Variants in CRPPA observed in about 807,000 individuals in gnomAD.
The protein encoded by CRPPA is CDP-L-ribitol pyrophosphorylase A, also known as D-ribitol-5-phosphate cytidylyltransferase.
A neutral mutation model predicts 52.0 loss-of-function variants in CRPPA; 43 were observed. The ratio of observed to expected loss-of-function variants is 0.83; its 90% CI spans 0.65 to 1.07. The LOEUF is 1.07. Among genes scored for constraint, CRPPA ranks in the 50% least tolerant of loss-of-function variants. CRPPA has a pLI of 0.00. For missense variants in CRPPA, 629 were observed against 551.7 expected, an observed-to-expected ratio of 1.14 and a Z score of -1.40; for synonymous variants, 250 against 203.5, an observed-to-expected ratio of 1.23 and a Z score of -1.94.
At chr7:16,190,464 A>T (rs1781585997) in intron 9 of CRPPA, among the ~76,000 whole-genome samples, 2 of 152,210 alleles carry the variant, frequency 1.3e-5, no homozygotes, top group African/African-American at 4.8e-5. Flanking sequence ...CGCATTCATC[A>T]ATAGATTTAT....
Position 16,377,875 on chromosome 7 carries a change from C to T in CRPPA, c.535-1634G>A, listed in dbSNP as rs142889570. 2.4e-3 allele frequency among the ~76,000 whole-genome samples: 368 copies of T among 152,214 alleles called. 2 individuals are homozygous for T. The highest frequency in any genetic ancestry group is 8.6e-3 in the African/African-American group (356 of 41,552). ...CAAGTGTGGACACGAGGTTGAGGCC[C>T]ACCTCTTTCACATAGTTCCCACCCA... is the stretch of plus-strand genomic sequence containing the variant. On this transcript the variant is annotated intron_variant, in intron 2 of 9. Coordinates refer to ENST00000407010, the MANE Select transcript of CRPPA (RefSeq NM_001101426.4).
chr7:16,213,411 A>C lies in CRPPA; in HGVS notation c.1251+2655T>G, dbSNP rs199933629. 0.029 allele frequency among the ~76,000 whole-genome samples: 1,836 copies of C among 64,322 alleles called. 107 individuals are homozygous for C. The East Asian group carries it at 0.36, about 13-fold the overall frequency. 42.2% of individuals were successfully genotyped at this position (64,322 alleles called of 152,430 possible). On this transcript the variant is annotated intron_variant, in intron 9 of 9. Transcript: ENST00000407010. Reference sequence around the variant, plus strand: ...GTTCCATATCCTGTTTTGGGGACTTATTTATAATAATTCTCAACAATCTTT... The same window carrying C: ...GTTCCATATCCTGTTTTGGGGACTTCTTTATAATAATTCTCAACAATCTTT...
intron 3 of CRPPA, among the ~76,000 whole-genome samples, chr7:16,375,184 G>C (rs1786850335): frequency 6.6e-6 from 1 of 152,124 alleles, no homozygotes; most frequent in African/African-American, 2.4e-5. Context: ...AGCTCAATCA[G>C]AAAGTACTTT....
intron 1 of CRPPA, among the ~76,000 whole-genome samples, chr7:16,415,999 T>C (rs1312011201): frequency 6.6e-6 from 1 of 152,234 alleles, no homozygotes; most frequent in Non-Finnish European, 1.5e-5. Context: ...TTTTCAATGG[T>C]AGTTTGAATT....
intron 5 of CRPPA, among the ~76,000 whole-genome samples, chr7:16,298,134 G>A (rs1784712517): frequency 6.6e-6 from 1 of 152,126 alleles, no homozygotes; most frequent in Non-Finnish European, 1.5e-5. Context: ...AGTCATAAAT[G>A]GAGGGGGTAA....
intron 9 of CRPPA, among the ~76,000 whole-genome samples, chr7:16,156,139 C>T (rs1014425077): frequency 6.7e-6 from 1 of 148,598 alleles, no homozygotes; most frequent in Admixed American, 6.7e-5. Flanking sequence ...AAAAAATACG[C>T]TATTTAATTA....
chr7:16,299,911 T>C (rs192367089), intron 5 of CRPPA, among the ~76,000 whole-genome samples: 192 of 152,240 alleles, frequency 1.3e-3, no homozygotes, highest in African/African-American at 4.3e-3. Flanking sequence ...GAACTACCAA[T>C]TGTTGACAAA....
chr7:16,112,679 T>C (rs1257770941), intron 9 of CRPPA, among the ~76,000 whole-genome samples: 1 of 152,100 alleles, frequency 6.6e-6, no homozygotes, highest in Non-Finnish European at 1.5e-5. Context: ...ACTTTGAAAG[T>C]AGTGCAATTA....
At chr7:16,260,199 C>T (rs117868952) in intron 6 of CRPPA, among the ~76,000 whole-genome samples, 2,232 of 152,112 alleles carry the variant, frequency 0.015, 40 homozygotes, top group Middle Eastern at 0.031. Flanking sequence ...AAGGCATTAA[C>T]AGCTAACTTG....
intron 9 of CRPPA, among the ~76,000 whole-genome samples, chr7:16,196,346 T>A (rs1373311519): frequency 6.6e-6 from 1 of 152,130 alleles, no homozygotes; most frequent in Non-Finnish European, 1.5e-5. Flanking sequence ...TAAGAGTTTA[T>A]ACAAAAGTGC....
intron 2 of CRPPA, among the ~76,000 whole-genome samples, chr7:16,382,938 T>C (rs1007760251): frequency 1.3e-5 from 2 of 152,218 alleles, no homozygotes; most frequent in Non-Finnish European, 2.9e-5. Flanking sequence ...TTGGCTTGAA[T>C]TTCCTCCTGT....
At chr7:16,371,733 T>C (rs1193383617) in intron 3 of CRPPA, among the ~76,000 whole-genome samples, 1 of 151,266 alleles carries the variant, frequency 6.6e-6, no homozygotes, top group Non-Finnish European at 1.5e-5. Context: ...ATGCCAGATA[T>C]AAGAATTCAG....
chr7:16,281,087 T>C (rs1356711212), intron 5 of CRPPA, among the ~76,000 whole-genome samples: 1 of 152,210 alleles, frequency 6.6e-6, no homozygotes, highest in Non-Finnish European at 1.5e-5. Context: ...TAGAACACAT[T>C]TGTTGTTTAG....
intron 3 of CRPPA, among the ~76,000 whole-genome samples, chr7:16,314,130 C>T (rs558911228): frequency 3.3e-5 from 5 of 151,756 alleles, no homozygotes; most frequent in African/African-American, 9.7e-5. Flanking sequence ...ATGGATTTAC[C>T]TATCTCTTCT....
intron 9 of CRPPA, among the ~76,000 whole-genome samples, chr7:16,117,304 G>C (rs1204296497): frequency 6.6e-6 from 1 of 152,200 alleles, no homozygotes; most frequent in African/African-American, 2.4e-5. Context: ...TGCAGCATCA[G>C]GGGTGAGTTC....
chr7:16,181,303 C>T (rs1781408115), intron 9 of CRPPA, among the ~76,000 whole-genome samples: 1 of 151,858 alleles, frequency 6.6e-6, no homozygotes. Context: ...AAACTACTTC[C>T]TTTCCAAATG....
chr7:16,387,072 TATATATATATATATACAC>T (rs1333579565), intron 2 of CRPPA, among the ~76,000 whole-genome samples: 3,805 of 71,966 alleles, frequency 0.053, 156 homozygotes, highest in African/African-American at 0.14. Flanking sequence ...TATATATATA[TATATATATATATATACAC>T]ACATATATAT....
chr7:16,384,690 A>T (rs540003365), intron 2 of CRPPA, among the ~76,000 whole-genome samples: 10 of 152,238 alleles, frequency 6.6e-5, no homozygotes, highest in Non-Finnish European at 1.2e-4. Flanking sequence ...AAAAAGCAAC[A>T]TCAGAAGCTT....
At chr7:16,103,295 G>A (rs1782086466) in intron 9 of CRPPA, among the ~76,000 whole-genome samples, 1 of 152,010 alleles carries the variant, frequency 6.6e-6, no homozygotes, top group Non-Finnish European at 1.5e-5. Flanking sequence ...CACACATCAG[G>A]GCCTGTTGGT....
Sources: gnomAD v4.1 joint callset for allele counts (sites outside exome capture counted in the v4.1 genomes callset) on GRCh38, gnomAD v4.1.1 for gene constraint, MANE v1.5 for transcripts, NCBI Gene and HGNC (gene_info 2026-07-23, HGNC 2026-07-21) for gene names.